OIT3: variants seen among roughly 807,000 people sequenced by gnomAD.
The protein encoded by OIT3 is oncoprotein-induced transcript 3 protein.
OIT3 carries 41 observed loss-of-function variants against 52.2 expected under a neutral mutation model. The observed-to-expected ratio is 0.79, with a 90% CI of 0.61 to 1.02. The LOEUF is 1.02. OIT3 is among the 50% of genes least tolerant of loss of function. The probability of loss-of-function intolerance (pLI) is 0.00; values close to 1 mark genes in which losing one functional copy is unlikely to be tolerated. For synonymous variants in OIT3, 244 were observed against 276.9 expected (o/e 0.88, Z 1.18); for missense variants, 634 against 715.5 (o/e 0.89, Z 1.30).
Position 72,924,292 on chromosome 10 carries a change from AGC to A in OIT3, c.1016_1017del (p.Ser339LysfsTer27). ...AGGTCTACCCAAGCAGACCCCGGGG[AGC>A]AGCGGGGACTTCATCATCCGAACCA... is the stretch of plus-strand genomic sequence containing the variant. The part of the protein sequence containing the change: ...VTGLPKQTPG[S>X]SGDFIIRTSK... On this transcript the variant is annotated frameshift_variant, in exon 7 of 9. Transcript: ENST00000334011. LOFTEE classifies it high-confidence loss of function. The A allele has an allele frequency of 6.2e-7, 1 of 1,613,844 alleles. No individual in the cohort carries two copies. Among genetic ancestry groups the A allele is most frequent in the Non-Finnish European group, 8.5e-7 (1 of 1,179,868 alleles).
rs1846088405 is a variant in OIT3, at chr10:72,918,023, ATCG to A, written c.951+4558_951+4560del. On this transcript the variant is annotated intron_variant, in intron 6 of 8. Coordinates refer to ENST00000334011, the MANE Select transcript of OIT3 (RefSeq NM_152635.3). ...CTTCATCATCATCTTCATCTTCTTCATCGTCATCATCATCATCATCATCATCTT... is the reference window on the plus strand; with the variant it reads ...CTTCATCATCATCTTCATCTTCTTCATCATCATCATCATCATCATCATCTT... 8.5e-6 allele frequency: 7 copies of A among 826,492 alleles called. No homozygotes were observed. The East Asian group carries it at 1.2e-4, about 14-fold the overall frequency. 51.2% of individuals were successfully genotyped at this position (826,492 alleles called of 1,614,324 possible).
chr10:72,917,141 C>T (rs879497088), intron 6 of OIT3, among the ~76,000 whole-genome samples: 7 of 152,142 alleles, frequency 4.6e-5, no homozygotes, highest in Non-Finnish European at 4.4e-5. Flanking sequence ...GCTTCTTTTG[C>T]TGTGTAGAAG....
chr10:72,903,280 C>A (rs930706780), intron 3 of OIT3, among the ~76,000 whole-genome samples: 2 of 152,000 alleles, frequency 1.3e-5, no homozygotes, highest in Non-Finnish European at 1.5e-5. Flanking sequence ...GGCTGGAGTG[C>A]AATGGCACAA....
chr10:72,900,438 A>C lies in OIT3; in HGVS notation c.498A>C (p.Thr166=). 6.2e-7 allele frequency: 1 copy of C among 1,612,852 alleles called. No homozygotes were observed. Among genetic ancestry groups the C allele is most frequent in the Middle Eastern group, 1.6e-4 (1 of 6,062 alleles). ...GCTGCTCAGATACCAGCGAGTGCAC[A>C]TGCGCTCCAGGAACTGTGCTAGGCC... ...HGSCSDTSEC[T]CAPGTVLGPD... The change falls in exon 3 of 9, where the codon ACA becomes ACC. Residue 166 remains threonine, a synonymous_variant. Transcript: ENST00000334011.
intron 7 of OIT3, among the ~76,000 whole-genome samples, chr10:72,927,311 T>C (rs1266895785): frequency 1.3e-5 from 2 of 152,126 alleles, no homozygotes; most frequent in Non-Finnish European, 2.9e-5. Flanking sequence ...AACTGATTTT[T>C]GTACTTTTAG....
intron 7 of OIT3, among the ~76,000 whole-genome samples, chr10:72,929,640 C>T: frequency 6.6e-6 from 1 of 151,704 alleles, no homozygotes; most frequent in Non-Finnish European, 1.5e-5. Context: ...CTCTGGGGCT[C>T]AAGCAATCCT....
At chr10:72,905,026 G>A (rs993072264) in intron 3 of OIT3, among the ~76,000 whole-genome samples, 1 of 152,142 alleles carries the variant, frequency 6.6e-6, no homozygotes, top group Non-Finnish European at 1.5e-5. Flanking sequence ...AGAAGGGGGA[G>A]GTGGCAGGCT....
intron 6 of OIT3, chr10:72,917,907 T>G: frequency 8.4e-7 from 1 of 1,187,596 alleles, no homozygotes; most frequent in Non-Finnish European, 1.2e-6. Context: ...ATTTGACTTC[T>G]GTACATTTTT....
chr10:72,912,021 A>G (rs1024744550), intron 5 of OIT3, among the ~76,000 whole-genome samples, 182 bp downstream of exon 5: 9 of 152,170 alleles, frequency 5.9e-5, no homozygotes, highest in African/African-American at 2.2e-4. Flanking sequence ...TCTCTAAGAA[A>G]AGATTACCAA....
intron 4 of OIT3, among the ~76,000 whole-genome samples, chr10:72,908,643 T>C (rs1041490871): frequency 6.6e-6 from 1 of 152,182 alleles, no homozygotes; most frequent in African/African-American, 2.4e-5. Context: ...TTTTATGTAA[T>C]AATCTTTGTA....
At chr10:72,907,843 A>T (rs1377592309) in intron 4 of OIT3, among the ~76,000 whole-genome samples, 2 of 152,204 alleles carry the variant, frequency 1.3e-5, no homozygotes, top group Non-Finnish European at 2.9e-5. Flanking sequence ...AATTCATAAT[A>T]TATATCAAAT....
intron 7 of OIT3, 94 bp downstream of exon 7, chr10:72,924,738 A>G: frequency 9.9e-7 from 1 of 1,011,386 alleles, no homozygotes; most frequent in Non-Finnish European, 1.4e-6. Context: ...ACTGCATGGT[A>G]CCACTGTCAG....
rs113588061 is a variant in OIT3 at position 72,932,494 on chromosome 10, C to A, written c.1608C>A (p.Gly536=). Residue 536 remains glycine, a synonymous_variant, in exon 9 of 9, where the codon GGC becomes GGA. Transcript: ENST00000334011. The part of the protein sequence containing the change: ...SAGLQGQTLT[G]GPIRIDWED ...GTCTACAGGGCCAGACGCTAACAGG[C>A]GGCCCGATCCGCATCGACTGGGAGG... 41 of 1,611,128 alleles carry A rather than the reference C, an allele frequency of 2.5e-5. 1 individual carries two copies. Among genetic ancestry groups the A allele is most frequent in the African/African-American group, 1.9e-4 (14 of 74,986 alleles).
chr10:72,913,215 G>A lies in OIT3; in HGVS notation c.791-93G>A, dbSNP rs1054055833. ...GATTTCCTTGGGGATGGAACAAAAAGCTTGGGTTGTGTGAGGGTGAAATTA... is the reference window on the plus strand; with the variant it reads ...GATTTCCTTGGGGATGGAACAAAAAACTTGGGTTGTGTGAGGGTGAAATTA... On this transcript the variant is annotated intron_variant, in intron 5 of 8. Coordinates refer to ENST00000334011, the MANE Select transcript of OIT3 (RefSeq NM_152635.3). 14 of 1,048,240 alleles carry A rather than the reference G, an allele frequency of 1.3e-5. No homozygotes were observed. The African/African-American group carries it at 2.0e-4, about 15-fold the overall frequency. 64.9% of individuals were successfully genotyped at this position (1,048,240 alleles called of 1,614,324 possible).
Position 72,913,264 on chromosome 10 carries a change from G to A in OIT3, c.791-44G>A, listed in dbSNP as rs367852028. The A allele has an allele frequency of 6.7e-6, 10 of 1,488,274 alleles. No homozygotes were observed. The African/African-American group carries it at 6.9e-5, about 10-fold the overall frequency. The allele number at this position is 1,488,274 out of a possible 1,614,324, so 92.2% of individuals were successfully genotyped here. A position where few individuals can be genotyped will look rare whatever the true frequency, so the allele number is the denominator to read the frequency against. On this transcript the variant is annotated intron_variant, in intron 5 of 8. Transcript: ENST00000334011. ...TATTTCTCCTAAAAGCCTTCCTCCC[G>A]ATTCAGGTTTCCTGGCTCTAACAGT...
intron 6 of OIT3, chr10:72,918,011 T>C: frequency 1.2e-6 from 1 of 812,492 alleles, no homozygotes; most frequent in Non-Finnish European, 2.1e-6. Flanking sequence ...CATCATCATC[T>C]TCATCTTCTT....
chr10:72,908,913 T>C (rs1488441304), intron 4 of OIT3, among the ~76,000 whole-genome samples: 1 of 151,818 alleles, frequency 6.6e-6, no homozygotes, highest in African/African-American at 2.4e-5. Flanking sequence ...ATATGTTCTT[T>C]TTTTTTAAAA....
At chr10:72,920,266 CA>C (rs1846110471) in intron 6 of OIT3, among the ~76,000 whole-genome samples, 1 of 152,162 alleles carries the variant, frequency 6.6e-6, no homozygotes. Context: ...TCTGTGGGGC[CA>C]GGGGTATTAT....
At chr10:72,918,005 A>G (rs1451586608) in intron 6 of OIT3, 7 of 808,534 alleles carry the variant, frequency 8.7e-6, no homozygotes, top group African/African-American at 1.7e-5. Flanking sequence ...TATCTTCATC[A>G]TCATCTTCAT....
Sources: gnomAD v4.1 joint callset for allele counts (sites outside exome capture counted in the v4.1 genomes callset) on GRCh38, gnomAD v4.1.1 for gene constraint, MANE v1.5 for transcripts, NCBI Gene and HGNC (gene_info 2026-07-23, HGNC 2026-07-21) for gene names.